Variants in KLF7 observed in about 807,000 individuals in gnomAD.
The protein encoded by KLF7 is Krueppel-like factor 7.
KLF7 carries 2 observed loss-of-function variants against 27.3 expected under a neutral mutation model. The ratio of observed to expected loss-of-function variants is 0.07; its 90% CI spans 0.03 to 0.23. The LOEUF (loss-of-function observed/expected upper bound fraction) is 0.23. Among genes scored for constraint, KLF7 ranks in the 10% least tolerant of loss-of-function variants. KLF7 has a pLI of 1.00. For missense variants in KLF7, 221 were observed against 394.1 expected (o/e 0.56, Z 3.72); for synonymous variants, 165 against 162.4 (o/e 1.02, Z -0.12).
intron 2 of KLF7, among the ~76,000 whole-genome samples, chr2:207,102,696 G>C (rs762116051): frequency 6.6e-6 from 1 of 152,078 alleles, no homozygotes; most frequent in Non-Finnish European, 1.5e-5. Flanking sequence ...TGCATTAAAG[G>C]CTTTTTAAAA....
chr2:207,113,309 T>C (rs2077084527), intron 2 of KLF7, among the ~76,000 whole-genome samples: 1 of 152,236 alleles, frequency 6.6e-6, no homozygotes. Context: ...TTGTTTCCTT[T>C]AAACTATATT....
chr2:207,086,942 T>C (rs2076402241), intron 3 of KLF7, among the ~76,000 whole-genome samples: 1 of 152,192 alleles, frequency 6.6e-6, no homozygotes, highest in African/African-American at 2.4e-5. Flanking sequence ...CAAAAGACTA[T>C]GGACAGAGAG....
chr2:207,088,897 G>A (rs1425002159), intron 2 of KLF7, among the ~76,000 whole-genome samples: 6 of 151,994 alleles, frequency 3.9e-5, no homozygotes, highest in South Asian at 2.1e-4. Flanking sequence ...ATTTATTTTC[G>A]ATTCCCCGGA....
At chr2:207,108,242 G>T (rs2076933168) in intron 2 of KLF7, among the ~76,000 whole-genome samples, 1 of 152,208 alleles carries the variant, frequency 6.6e-6, no homozygotes, top group South Asian at 2.1e-4. Context: ...CATGAGAGGG[G>T]GGAGAAAGAT....
chr2:207,116,313 A>G (rs2077185335), intron 2 of KLF7, among the ~76,000 whole-genome samples: 2 of 152,228 alleles, frequency 1.3e-5, no homozygotes, highest in Non-Finnish European at 1.5e-5. Flanking sequence ...AATATTTTTC[A>G]AAGAAAGACA....
intron 1 of KLF7, among the ~76,000 whole-genome samples, chr2:207,160,366 C>G (rs888226223): frequency 3.3e-5 from 5 of 152,186 alleles, no homozygotes; most frequent in African/African-American, 9.7e-5. Flanking sequence ...AAACTTTCAG[C>G]AAATCGCAGT....
At chr2:207,140,264 C>G (rs569797904) in intron 1 of KLF7, among the ~76,000 whole-genome samples, 51 of 152,174 alleles carry the variant, frequency 3.4e-4, no homozygotes, top group African/African-American at 1.2e-3. Flanking sequence ...TTGATTAATA[C>G]CAAATACATA....
chr2:207,164,146 A>G (rs561293941), intron 1 of KLF7, among the ~76,000 whole-genome samples: 1 of 152,358 alleles, frequency 6.6e-6, no homozygotes, highest in African/African-American at 2.4e-5. Context: ...TCGGCTCCTT[A>G]TACCAAAAGC....
chr2:207,104,197 TTAC>T (rs2076828790), intron 2 of KLF7, among the ~76,000 whole-genome samples: 1 of 152,234 alleles, frequency 6.6e-6, no homozygotes, highest in Admixed American at 6.5e-5. Context: ...GGTGCATATC[TTAC>T]TACATCTCAT....
At chr2:207,110,139 CA>C (rs1210413512) in intron 2 of KLF7, 1 of 154,900 alleles carries the variant, frequency 6.5e-6, no homozygotes, top group East Asian at 1.9e-4. Flanking sequence ...CAGCTCCTGA[CA>C]AAATGCAGAC....
intron 1 of KLF7, among the ~76,000 whole-genome samples, chr2:207,145,051 T>C (rs1042418831): frequency 6.6e-6 from 1 of 152,222 alleles, no homozygotes; most frequent in African/African-American, 2.4e-5. Context: ...AACTCACCAG[T>C]CCGTTCTGGG....
At position 207,078,604 on chromosome 2, in the gene KLF7, A is replaced by G. The variant is rs1462059745; in HGVS notation, c.*2609T>C. On this transcript the variant is annotated 3_prime_UTR_variant, in exon 4 of 4. Transcript: ENST00000309446. ...AGAACATTTGCAAATCGTGGTGGCCATGGCTTAATGCCATCACTGGCGTGT... is the reference window on the plus strand; with the variant it reads ...AGAACATTTGCAAATCGTGGTGGCCGTGGCTTAATGCCATCACTGGCGTGT... 6.6e-6 allele frequency: 1 copy of G among 152,266 alleles called. No individual in the cohort carries two copies. The highest frequency in any genetic ancestry group is 2.1e-4 in the South Asian group (1 of 4,836). The allele number at this position is 152,266 out of a possible 1,614,324, so 9.4% of individuals were successfully genotyped here.
At position 207,081,341 on chromosome 2, in the gene KLF7, T is replaced by G; in HGVS notation, c.858-77A>C. On this transcript the variant is annotated intron_variant, in intron 3 of 3. Transcript: ENST00000309446. ...ACTTGCATCACTCCTTAGGAAATGA[T>G]TTCCCTTACTTTAAACAGAGACAGT... The G allele has an allele frequency of 8.2e-6, 10 of 1,222,232 alleles. No individual in the cohort carries two copies. The South Asian group carries it at 1.2e-4, about 15-fold the overall frequency. The allele number at this position is 1,222,232 out of a possible 1,614,324, so 75.7% of individuals were successfully genotyped here.
upstream of KLF7, chr2:207,166,282 C>A (rs1001089480): frequency 2.0e-5 from 13 of 664,918 alleles, no homozygotes; most frequent in Non-Finnish European, 2.4e-5. Flanking sequence ...TGGCGGCGGG[C>A]GCGGATTGGC....
rs148586231 is a variant in KLF7 at position 207,106,998 on chromosome 2, C to T, written c.733+16776G>A. 1.6e-3 allele frequency among the ~76,000 whole-genome samples: 247 copies of T among 152,242 alleles called. 1 individual carries two copies. The highest frequency in any genetic ancestry group is 5.0e-3 in the African/African-American group (209 of 41,538). ...ACTCTTGGGATCTTCTAGGCTTCCA[C>T]GTTCTCATGCCTAAGATGGGAAAAT... is the stretch of plus-strand genomic sequence containing the variant. On this transcript the variant is annotated intron_variant, in intron 2 of 3. Transcript: ENST00000309446.
rs2076186986 is a variant in KLF7 at position 207,076,999 on chromosome 2, T to C, written c.*4214A>G. ...CTAATAAACTAAAAAATGAACCTGA[T>C]TTTTGTAGTTAAATGTGTTGCATCT... On this transcript the variant is annotated 3_prime_UTR_variant, in exon 4 of 4. Transcript: ENST00000309446. 6.6e-6 allele frequency: 1 copy of C among 152,212 alleles called. No homozygotes were observed. Among genetic ancestry groups the C allele is most frequent in the African/African-American group, 2.4e-5 (1 of 41,442 alleles). The allele number at this position is 152,212 out of a possible 1,614,324, so 9.4% of individuals were successfully genotyped here.
Position 207,124,071 on chromosome 2 carries a change from G to A in KLF7, c.436C>T (p.Arg146Cys), listed in dbSNP as rs771063540. The change falls in exon 2 of 4, where the codon CGC (arginine) becomes TGC (cysteine). Residue 146 changes from arginine (R) to cysteine (C), a missense_variant. This residue lies in a region of KLF7 where 180 missense variants were observed against 227.9 expected (regional missense o/e 0.79). Transcript: ENST00000309446. ...GTTTGTGAGGTTTTGACCAGATGGC[G>A]GCTGAGCTCAGGGGACGATGGGGGC... Reference protein sequence around the residue: ...LTPPSSPELSRHLVKTSQTLS... With the variant: ...LTPPSSPELSCHLVKTSQTLS... 3.7e-6 allele frequency: 6 copies of A among 1,614,174 alleles called. No individual in the cohort carries two copies. The highest frequency in any genetic ancestry group is 5.1e-6 in the Non-Finnish European group (6 of 1,180,036).
rs182675298 is a variant in KLF7, at chr2:207,108,339, C to T, written c.733+15435G>A. ...TATTATCAAATTGGGTTGGGGGCCC[C>T]GCCAATTCTAACGACTTATTAAGAT... On this transcript the variant is annotated intron_variant, in intron 2 of 3. Transcript: ENST00000309446. Among the ~76,000 whole-genome samples, 281 of 152,212 alleles carry T rather than the reference C, an allele frequency of 1.8e-3. 1 individual carries two copies. The highest frequency in any genetic ancestry group is 0.014 in the Middle Eastern group (4 of 292).
intron 2 of KLF7, among the ~76,000 whole-genome samples, chr2:207,105,446 T>C (rs1309560625): frequency 1.3e-5 from 2 of 152,314 alleles, no homozygotes; most frequent in Middle Eastern, 3.4e-3. Context: ...AGCCCAGGGA[T>C]AGACACCCAG....
Sources: allele counts gnomAD v4.1 joint callset (sites outside exome capture counted in the v4.1 genomes callset), GRCh38; gene constraint gnomAD v4.1.1; regional missense constraint gnomAD v4.1.1; transcripts MANE v1.5; gene names NCBI Gene and HGNC (gene_info 2026-07-23, HGNC 2026-07-21).